METRN: variants seen among roughly 807,000 people sequenced by gnomAD.
METRN encodes the protein meteorin, glial cell differentiation regulator, also known as meteorin.
A neutral mutation model predicts 17.4 loss-of-function variants in METRN; 17 were observed. The observed-to-expected ratio is 0.98, with a 90% CI of 0.67 to 1.46. The LOEUF is 1.46. Ranked by LOEUF, METRN falls within the 40% of genes most tolerant of loss-of-function variation. METRN has a pLI of 0.00. For missense variants in METRN, 489 were observed against 456.2 expected (o/e 1.07, Z -0.65); for synonymous variants, 230 against 210.8 (o/e 1.09, Z -0.79).
intron 2 of METRN, chr16:716,588 C>T (rs556248167): frequency 1.8e-5 from 27 of 1,535,164 alleles, no homozygotes; most frequent in South Asian, 2.4e-5. Flanking sequence ...ACCTCAGATC[C>T]GGGAAACTAG....
rs2040153591 is a variant in METRN, at chr16:715,630, T to A, written c.151T>A (p.Cys51Ser). ...PGSVGQLALA[C>S]AEGAVEWLYP... is the part of the protein sequence containing the mutation. ...CAGCGTGGGGCAGCTGGCCCTGGCC[T>A]GTGCGGAGGGCGCGGTTGAGTGGCT... Residue 51 changes from cysteine (C) to serine (S), a missense_variant, in exon 2 of 4, where the codon TGT becomes AGT. Cys to Ser is a moderately radical substitution (Grantham distance 112). Coordinates refer to ENST00000568223, the MANE Select transcript of METRN (RefSeq NM_024042.4). 7.0e-7 allele frequency: 1 copy of A among 1,435,370 alleles called. No homozygotes were observed. The highest frequency in any genetic ancestry group is 9.1e-7 in the Non-Finnish European group (1 of 1,099,374). The allele number at this position is 1,435,370 out of a possible 1,614,324, so 88.9% of individuals were successfully genotyped here.
rs1003000343 is a variant in METRN, at chr16:719,237, C to T, written c.*1850C>T. ...AAGCCCTGGCTTTGCAACCAGCTGT[C>T]TTCTCATGAGACACAGGGCCACAGG... On this transcript the variant is annotated 3_prime_UTR_variant, in exon 4 of 4. Transcript: ENST00000568223. The T allele has an allele frequency of 6.6e-6, 1 of 152,312 alleles. No homozygotes were observed. The highest frequency in any genetic ancestry group is 1.5e-5 in the Non-Finnish European group (1 of 68,094). 9.4% of individuals were successfully genotyped at this position (152,312 alleles called of 1,614,324 possible). A position where few individuals can be genotyped will look rare whatever the true frequency, so the allele number is the denominator to read the frequency against.
In METRN at chr16:715,217, G is replaced by T; in HGVS notation, c.-73G>T. 1.3e-6 allele frequency: 1 copy of T among 789,886 alleles called. No homozygotes were observed. The allele number at this position is 789,886 out of a possible 1,614,324, so 48.9% of individuals were successfully genotyped here. A position where few individuals can be genotyped will look rare whatever the true frequency, so the allele number is the denominator to read the frequency against. On this transcript the variant is annotated 5_prime_UTR_variant, in exon 1 of 4. Transcript: ENST00000568223. ...GCCGGCGCCCCCGGCTGCTCCCGCC[G>T]CCGCCCGGACCCGCGCCCCGCCGGG...
chr16:718,936 AC>A lies in METRN; in HGVS notation c.*1550del, dbSNP rs1356533556. The A allele has an allele frequency of 6.6e-6, 1 of 151,940 alleles. No homozygotes were observed. The highest frequency in any genetic ancestry group is 1.5e-5 in the Non-Finnish European group (1 of 68,046). 9.4% of individuals were successfully genotyped at this position (151,940 alleles called of 1,614,324 possible). On this transcript the variant is annotated 3_prime_UTR_variant, in exon 4 of 4. Coordinates refer to ENST00000568223, the MANE Select transcript of METRN (RefSeq NM_024042.4). ...ACATCCATCTGCCCCCAGCCCAAACACTTCTGCAAACACTAGAAAAGGAGGT... is the reference window on the plus strand; with the variant it reads ...ACATCCATCTGCCCCCAGCCCAAACATTCTGCAAACACTAGAAAAGGAGGT...
At position 717,266 on chromosome 16, in the gene METRN, T is replaced by C. The variant is rs2040169221; in HGVS notation, c.761T>C (p.Met254Thr). 1 of 1,560,124 alleles carries C rather than the reference T, an allele frequency of 6.4e-7. No individual in the cohort carries two copies. Among genetic ancestry groups the C allele is most frequent in the Non-Finnish European group, 8.7e-7 (1 of 1,155,986 alleles). ...VHPGPGTFLF[M>T]GWSRFGEARL... ...CCGGGCCCAGGCACCTTCCTCTTCA[T>C]GGGCTGGAGCCGCTTTGGGGAGGCC... The change falls in exon 4 of 4, where the codon ATG becomes ACG. Residue 254 changes from methionine to threonine, a missense_variant. Physicochemically the swap from Met to Thr is moderately conservative, Grantham distance 81 (BLOSUM62 -1). Coordinates refer to ENST00000568223, the MANE Select transcript of METRN (RefSeq NM_024042.4).
Position 717,250 on chromosome 16 carries a change from G to T in METRN, c.745G>T (p.Gly249Cys). Residue 249 changes from glycine to cysteine, a missense_variant, in exon 4 of 4, where the codon GGC (glycine) becomes TGC (cysteine). Coordinates refer to ENST00000568223, the MANE Select transcript of METRN (RefSeq NM_024042.4). ...PLRCGVHPGP[G>C]TFLFMGWSRF... is the part of the protein sequence containing the mutation. Reference sequence around the variant, plus strand: ...GCGCTGTGGCGTCCACCCGGGCCCAGGCACCTTCCTCTTCATGGGCTGGAG... The same window carrying T: ...GCGCTGTGGCGTCCACCCGGGCCCATGCACCTTCCTCTTCATGGGCTGGAG... 1 of 1,570,964 alleles carries T rather than the reference G, an allele frequency of 6.4e-7. No homozygotes were observed. The highest frequency in any genetic ancestry group is 8.6e-7 in the Non-Finnish European group (1 of 1,161,422).
rs2040179428 is a variant in METRN, at chr16:718,526, A to C, written c.*1139A>C. ...GGACACAGCTGTGCAGGGCCCACAA[A>C]CACGGTCCTTTCTCTAGGTTAGCGG... On this transcript the variant is annotated 3_prime_UTR_variant, in exon 4 of 4. Coordinates refer to ENST00000568223, the MANE Select transcript of METRN (RefSeq NM_024042.4). 6.6e-6 allele frequency: 1 copy of C among 152,258 alleles called. No individual in the cohort carries two copies. Among genetic ancestry groups the C allele is most frequent in the Admixed American group, 6.5e-5 (1 of 15,288 alleles). The allele number at this position is 152,258 out of a possible 1,614,324, so 9.4% of individuals were successfully genotyped here. A position where few individuals can be genotyped will look rare whatever the true frequency, so the allele number is the denominator to read the frequency against.
In METRN at chr16:715,176, T is replaced by G; in HGVS notation, c.-114T>G. On this transcript the variant is annotated 5_prime_UTR_variant, in exon 1 of 4. Coordinates refer to ENST00000568223, the MANE Select transcript of METRN (RefSeq NM_024042.4). ...CGGAGCGGCCGCGGGCTTGGGGGCT[T>G]CGCCGGGGCCGGGCGGCCGGCGCCC... is the stretch of plus-strand genomic sequence containing the variant. 1 of 281,892 alleles carries G rather than the reference T, an allele frequency of 3.5e-6. No individual in the cohort carries two copies. The highest frequency in any genetic ancestry group is 5.3e-6 in the Non-Finnish European group (1 of 190,366). 17.5% of individuals were successfully genotyped at this position (281,892 alleles called of 1,614,324 possible).
rs377567346 is a variant in METRN at position 717,234 on chromosome 16, C to T, written c.729C>T (p.Gly243=). The change falls in exon 4 of 4, where the codon GGC becomes GGT. Residue 243 remains glycine (G), a synonymous_variant. Coordinates refer to ENST00000568223, the MANE Select transcript of METRN (RefSeq NM_024042.4). ...CCATTCGTACCCCACTGCGCTGTGG[C>T]GTCCACCCGGGCCCAGGCACCTTCC... ...LTSIRTPLRC[G]VHPGPGTFLF... The T allele has an allele frequency of 2.0e-5, 31 of 1,581,094 alleles. No homozygotes were observed. The African/African-American group carries it at 2.0e-4, about 10-fold the overall frequency.
In METRN at chr16:717,284, G is replaced by A; in HGVS notation, c.779G>A (p.Gly260Glu). 1.3e-6 allele frequency: 2 copies of A among 1,542,596 alleles called. No individual in the cohort carries two copies. Among genetic ancestry groups the A allele is most frequent in the Non-Finnish European group, 1.7e-6 (2 of 1,146,722 alleles). ...TFLFMGWSRF[G>E]EARLGCAPRF... ...CTCTTCATGGGCTGGAGCCGCTTTG[G>A]GGAGGCCCGGCTGGGCTGTGCCCCA... The change falls in exon 4 of 4, where the codon GGG becomes GAG. Residue 260 changes from glycine to glutamate, a missense_variant. Physicochemically the swap from Gly to Glu is moderately conservative, Grantham distance 98. Coordinates refer to ENST00000568223, the MANE Select transcript of METRN (RefSeq NM_024042.4).
chr16:716,915 AC>A lies in METRN; in HGVS notation c.506-13del. The stretch of plus-strand genomic sequence containing the variant: ...GGAGAGGGCAGGGCCTCTCCTCACC[AC>A]CCCCTCTGCATGCCAGGTGCCTGCA... On this transcript the variant is annotated splice_polypyrimidine_tract_variant and intron_variant, in intron 2 of 3. Coordinates refer to ENST00000568223, the MANE Select transcript of METRN (RefSeq NM_024042.4). 1 of 1,537,684 alleles carries A rather than the reference AC, an allele frequency of 6.5e-7. No homozygotes were observed. Among genetic ancestry groups the A allele is most frequent in the Non-Finnish European group, 8.8e-7 (1 of 1,140,056 alleles).
intron 2 of METRN, chr16:716,201 G>C: frequency 2.0e-6 from 2 of 985,456 alleles, no homozygotes; most frequent in Non-Finnish European, 2.4e-6. Flanking sequence ...GGCAGGGGCA[G>C]AGTGGAGGGA....
chr16:717,273 G>A lies in METRN; in HGVS notation c.768G>A (p.Trp256Ter), dbSNP rs2040169245. The change falls in exon 4 of 4, where the codon TGG becomes TGA. Residue 256 changes from tryptophan to a stop codon, truncating the protein, a stop_gained. Transcript: ENST00000568223. LOFTEE classifies it low-confidence loss of function (END_TRUNC). ...CAGGCACCTTCCTCTTCATGGGCTG[G>A]AGCCGCTTTGGGGAGGCCCGGCTGG... Reference protein sequence around the residue: ...PGPGTFLFMGWSRFGEARLGC... With the variant: ...PGPGTFLFMG The A allele has an allele frequency of 6.4e-7, 1 of 1,553,098 alleles. No homozygotes were observed. The highest frequency in any genetic ancestry group is 1.4e-5 in the African/African-American group (1 of 73,594).
At position 715,284 on chromosome 16, in the gene METRN, C is replaced by T. The variant is rs1329837473; in HGVS notation, c.-6C>T. The T allele has an allele frequency of 3.8e-6, 5 of 1,316,008 alleles. No homozygotes were observed. The highest frequency in any genetic ancestry group is 7.0e-5 in the Admixed American group (2 of 28,492). The allele number at this position is 1,316,008 out of a possible 1,614,324, so 81.5% of individuals were successfully genotyped here. ...CCCCGACTCCCCGGACGCCGCCCGC[C>T]GTGCCATGGGGTTCCCGGCCGCGGC... On this transcript the variant is annotated 5_prime_UTR_variant, in exon 1 of 4. Coordinates refer to ENST00000568223, the MANE Select transcript of METRN (RefSeq NM_024042.4).
chr16:715,971 T>A lies in METRN; in HGVS notation c.492T>A (p.Gly164=), dbSNP rs1452295699. The A allele has an allele frequency of 5.4e-5, 81 of 1,487,414 alleles. No homozygotes were observed. Among genetic ancestry groups the A allele is most frequent in the Non-Finnish European group, 7.0e-5 (79 of 1,124,876 alleles). 92.1% of individuals were successfully genotyped at this position (1,487,414 alleles called of 1,614,324 possible). Residue 164 remains glycine, a synonymous_variant, in exon 2 of 4, where the codon GGT becomes GGA. Transcript: ENST00000568223. ...GRPELPPQAH[G]LGVDGACRPC... is the part of the protein sequence containing the mutation. ...CCGAGCTGCCCCCGCAGGCCCACGG[T>A]CTCGGCGTAGACGGTGAGTGGCGGT...
chr16:717,042 G>A lies in METRN; in HGVS notation c.566-29G>A, dbSNP rs540853975. 9.3e-6 allele frequency: 15 copies of A among 1,611,802 alleles called. No individual in the cohort carries two copies. The African/African-American group carries it at 1.9e-4, about 20-fold the overall frequency. ...GCCTGGAGCCTGCCTTCCCCTGAAT[G>A]CCTACCGCAGCCACATGCCTCCCCA... On this transcript the variant is annotated intron_variant, in intron 3 of 3. Transcript: ENST00000568223.
At position 715,566 on chromosome 16, in the gene METRN, G is replaced by A. The variant is rs1390661568; in HGVS notation, c.105-18G>A. 3.8e-6 allele frequency: 5 copies of A among 1,317,600 alleles called. No homozygotes were observed. The highest frequency in any genetic ancestry group is 4.0e-5 in the Admixed American group (1 of 24,694). 81.6% of individuals were successfully genotyped at this position (1,317,600 alleles called of 1,614,324 possible). A position where few individuals can be genotyped will look rare whatever the true frequency, so the allele number is the denominator to read the frequency against. On this transcript the variant is annotated intron_variant, in intron 1 of 3. Transcript: ENST00000568223. ...GGACCCGCCCCCGTCTCAGCGCCCCGTCCCGTCCTGTCCCCAGCGGCCTCA... is the reference window on the plus strand; with the variant it reads ...GGACCCGCCCCCGTCTCAGCGCCCCATCCCGTCCTGTCCCCAGCGGCCTCA...
Sources: gnomAD v4.1 joint callset for allele counts on GRCh38, gnomAD v4.1.1 for gene constraint, MANE v1.5 for transcripts, NCBI Gene and HGNC (gene_info 2026-07-23, HGNC 2026-07-21) for gene names.